ERBB4: variants seen among roughly 807,000 people sequenced by gnomAD.
ERBB4 encodes the protein receptor tyrosine-protein kinase erbB-4.
In ERBB4, 42 loss-of-function variants were observed where a neutral mutation model predicts 158.0. The observed-to-expected ratio is 0.27, with a 90% CI of 0.21 to 0.34. The LOEUF (loss-of-function observed/expected upper bound fraction) is 0.34. ERBB4 is among the 10% of genes least tolerant of loss of function. ERBB4 has a pLI of 1.00. For missense variants in ERBB4, 1,333 were observed against 1,624.1 expected (o/e 0.82, Z 3.08); for synonymous variants, 583 against 558.7 (o/e 1.04, Z -0.61).
chr2:211,904,298 T>G (rs1008587819), intron 3 of ERBB4, among the ~76,000 whole-genome samples: 1 of 152,066 alleles, frequency 6.6e-6, no homozygotes, highest in African/African-American at 2.4e-5. Flanking sequence ...CCTCAAAAAC[T>G]AATGAACTCA....
At chr2:212,242,385 T>C (rs2084142213) in intron 1 of ERBB4, among the ~76,000 whole-genome samples, 1 of 152,230 alleles carries the variant, frequency 6.6e-6, no homozygotes, top group Non-Finnish European at 1.5e-5. Context: ...TATTAAAACA[T>C]GTACAACTTT....
At chr2:211,759,238 A>T (rs1410219817) in intron 4 of ERBB4, among the ~76,000 whole-genome samples, 1 of 152,154 alleles carries the variant, frequency 6.6e-6, no homozygotes, top group East Asian at 1.9e-4. Flanking sequence ...CTGCACCATT[A>T]TCATTGTAAT....
intron 1 of ERBB4, among the ~76,000 whole-genome samples, chr2:212,449,240 CA>C (rs2092410165): frequency 6.6e-6 from 1 of 151,990 alleles, no homozygotes; most frequent in African/African-American, 2.4e-5. Context: ...AATGTATTTC[CA>C]GTTTGTTATA....
At chr2:211,883,544 G>A (rs531170831) in intron 3 of ERBB4, among the ~76,000 whole-genome samples, 10 of 152,218 alleles carry the variant, frequency 6.6e-5, no homozygotes, top group South Asian at 4.1e-4. Flanking sequence ...TTGGGAGGCC[G>A]AGGCGTGAAG....
intron 1 of ERBB4, among the ~76,000 whole-genome samples, chr2:212,352,083 A>AC (rs1406769656): frequency 6.6e-6 from 1 of 152,144 alleles, no homozygotes; most frequent in Non-Finnish European, 1.5e-5. Context: ...ACCAAATAGC[A>AC]CATGTCCTCA....
chr2:211,958,387 T>G (rs938839788), intron 2 of ERBB4, among the ~76,000 whole-genome samples: 1 of 152,130 alleles, frequency 6.6e-6, no homozygotes, highest in Non-Finnish European at 1.5e-5. Flanking sequence ...AGTATCCTTA[T>G]GCAAGTCACA....
chr2:212,319,825 C>T lies in ERBB4; in HGVS notation c.83-194922G>A, dbSNP rs2087475328. Among the ~76,000 whole-genome samples, 2 of 150,132 alleles carry T rather than the reference C, an allele frequency of 1.3e-5. 1 individual carries two copies. Among genetic ancestry groups the T allele is most frequent in the East Asian group, 3.9e-4 (2 of 5,128 alleles). ...CAATGCCAGCCCCTTTCTCAAGGCACATCATTTAACACATATTTGTTCTGT... is the reference window on the plus strand; with the variant it reads ...CAATGCCAGCCCCTTTCTCAAGGCATATCATTTAACACATATTTGTTCTGT... On this transcript the variant is annotated intron_variant, in intron 1 of 27. Transcript: ENST00000342788.
chr2:211,925,982 T>G (rs142192297), intron 3 of ERBB4, among the ~76,000 whole-genome samples: 434 of 152,246 alleles, frequency 2.9e-3, no homozygotes, highest in African/African-American at 9.2e-3. Context: ...GTAAGAAATT[T>G]CAAGCTTCAC....
intron 3 of ERBB4, among the ~76,000 whole-genome samples, chr2:211,804,711 T>C (rs1272632794): frequency 1.3e-5 from 2 of 152,054 alleles, no homozygotes. Context: ...GGTTGATTTC[T>C]TTTCTGTATT....
At chr2:211,818,048 A>G (rs1284443645) in intron 3 of ERBB4, among the ~76,000 whole-genome samples, 3 of 152,088 alleles carry the variant, frequency 2.0e-5, no homozygotes, top group Admixed American at 1.3e-4. Context: ...GATATTACAC[A>G]TTGTTTTTCT....
intron 19 of ERBB4, among the ~76,000 whole-genome samples, chr2:211,578,668 A>G (rs1486549864): frequency 6.6e-6 from 1 of 152,142 alleles, no homozygotes; most frequent in East Asian, 1.9e-4. Context: ...CAGTCATCTG[A>G]TTTTTTAAAC....
intron 2 of ERBB4, among the ~76,000 whole-genome samples, chr2:212,057,063 A>C (rs1229247730): frequency 2.6e-5 from 4 of 152,228 alleles, no homozygotes; most frequent in Non-Finnish European, 4.4e-5. Context: ...ACATAGGCTC[A>C]AAATAAAGGG....
chr2:212,524,164 A>T (rs1692321543), intron 1 of ERBB4, among the ~76,000 whole-genome samples: 1 of 152,058 alleles, frequency 6.6e-6, no homozygotes, highest in African/African-American at 2.4e-5. Context: ...TATGAAATTT[A>T]AAAAACACAT....
At chr2:211,405,586 C>T (rs1188565429) in intron 25 of ERBB4, among the ~76,000 whole-genome samples, 2 of 152,084 alleles carry the variant, frequency 1.3e-5, no homozygotes, top group Non-Finnish European at 2.9e-5. Flanking sequence ...ACTCATCTTC[C>T]TTTCTGAATT....
intron 20 of ERBB4, among the ~76,000 whole-genome samples, chr2:211,513,667 C>CT: frequency 6.6e-6 from 1 of 152,060 alleles, no homozygotes; most frequent in East Asian, 1.9e-4. Context: ...GGAAAAGAAA[C>CT]TTGGACAGCT....
chr2:212,308,275 G>A lies in ERBB4; in HGVS notation c.83-183372C>T, dbSNP rs544391713. 1.3e-4 allele frequency among the ~76,000 whole-genome samples: 19 copies of A among 150,970 alleles called. No individual in the cohort carries two copies. In the South Asian group the frequency reaches 1.9e-3, roughly 15 times the overall value. On this transcript the variant is annotated intron_variant, in intron 1 of 27. Transcript: ENST00000342788. ...TTACCAGCCAAATTATAGTATATTCGGAATCATTCACAAAAATAATTAGTT... is the reference window on the plus strand; with the variant it reads ...TTACCAGCCAAATTATAGTATATTCAGAATCATTCACAAAAATAATTAGTT...
intron 2 of ERBB4, among the ~76,000 whole-genome samples, chr2:212,033,678 A>G (rs2076952049): frequency 6.6e-6 from 1 of 151,896 alleles, no homozygotes; most frequent in African/African-American, 2.4e-5. Context: ...ACCAGAAGTA[A>G]TAACTTAAAC....
chr2:211,481,213 T>C (rs568672629), intron 20 of ERBB4, among the ~76,000 whole-genome samples: 5 of 152,034 alleles, frequency 3.3e-5, no homozygotes, highest in South Asian at 2.1e-4. Flanking sequence ...AAATGTATGC[T>C]AAAGTAATAA....
intron 3 of ERBB4, among the ~76,000 whole-genome samples, chr2:211,897,486 A>G (rs2079127913): frequency 6.6e-6 from 1 of 152,024 alleles, no homozygotes; most frequent in Admixed American, 6.6e-5. Flanking sequence ...GCAAATAGAA[A>G]AGTCAAAATT....
Sources: allele counts gnomAD v4.1 joint callset (sites outside exome capture counted in the v4.1 genomes callset), GRCh38; gene constraint gnomAD v4.1.1; transcripts MANE v1.5; gene names NCBI Gene and HGNC (gene_info 2026-07-23, HGNC 2026-07-21).